NDNF: variants seen among roughly 807,000 people sequenced by gnomAD.
The protein encoded by NDNF is protein NDNF.
NDNF carries 16 observed loss-of-function variants against 42.0 expected under a neutral mutation model. The ratio of observed to expected loss-of-function variants is 0.38; its 90% CI spans 0.26 to 0.58. The LOEUF (loss-of-function observed/expected upper bound fraction) is 0.58. Ranked by LOEUF, NDNF falls within the 20% of genes least tolerant of loss-of-function variation. The pLI, the probability that NDNF is intolerant of heterozygous loss-of-function variation, is 0.67. For synonymous variants in NDNF, 248 were observed against 251.7 expected, an observed-to-expected ratio of 0.99 and a Z score of 0.14; for missense variants, 616 against 666.2, an observed-to-expected ratio of 0.92 and a Z score of 0.83.
At position 121,037,070 on chromosome 4, in the gene NDNF, C is replaced by T. The variant is rs754730831; in HGVS notation, c.901G>A (p.Val301Ile). 95 of 1,613,840 alleles carry T rather than the reference C, an allele frequency of 5.9e-5. 1 individual carries two copies. In the South Asian group the frequency reaches 6.4e-4, roughly 11 times the overall value. ...TGCGTGTCGGGTTTCAGATCAGAGA[C>T]GGTGAAGATGTTCTTGTTTCCTATG... is the stretch of plus-strand genomic sequence containing the variant. ...ICIGNKNIFT[V>I]SDLKPDTQYY... Residue 301 changes from valine (V) to isoleucine (I), a missense_variant, in exon 4 of 4, where the codon GTC becomes ATC. Physicochemically the swap from Val to Ile is conservative, Grantham distance 29 (BLOSUM62 3). Transcript: ENST00000379692.
chr4:121,072,406 T>A lies in NDNF; in HGVS notation c.-415A>T, dbSNP rs1196496399. The stretch of plus-strand genomic sequence containing the variant: ...TGGCGCGGGCTTCGCCGGCCGCCGC[T>A]AGTCGCACAGGCGCCTGGCTGGAGC... On this transcript the variant is annotated 5_prime_UTR_variant, in exon 1 of 4. Transcript: ENST00000379692. 1 of 150,554 alleles carries A rather than the reference T, an allele frequency of 6.6e-6. No homozygotes were observed. The highest frequency in any genetic ancestry group is 2.4e-5 in the African/African-American group (1 of 40,842). 9.3% of individuals were successfully genotyped at this position (150,554 alleles called of 1,614,324 possible).
chr4:121,046,057 T>C (rs757332749), intron 1 of NDNF, among the ~76,000 whole-genome samples: 5 of 152,190 alleles, frequency 3.3e-5, no homozygotes, highest in Non-Finnish European at 7.4e-5. Context: ...ATTTCAGACA[T>C]TAAAAAGATT....
rs1315385654 is a variant in NDNF at position 121,039,190 on chromosome 4, GTGTATATATATATA to G, written c.313+726_313+739del. Reference sequence around the variant, plus strand: ...ATATATAAAGACTATGTGTGTGTGTGTGTATATATATATATATATATATATATATATATATATAT... The same window carrying G: ...ATATATAAAGACTATGTGTGTGTGTGTATATATATATATATATATATATAT... On this transcript the variant is annotated intron_variant, in intron 3 of 3. Transcript: ENST00000379692. Among the ~76,000 whole-genome samples, 458 of 67,988 alleles carry G rather than the reference GTGTATATATATATA, an allele frequency of 6.7e-3. 16 individuals carry two copies. The highest frequency in any genetic ancestry group is 0.033 in the African/African-American group (423 of 12,826). The allele number at this position is 67,988 out of a possible 152,430, so 44.6% of individuals were successfully genotyped here. A position where few individuals can be genotyped will look rare whatever the true frequency, so the allele number is the denominator to read the frequency against.
chr4:121,061,747 A>G (rs1198958934), intron 1 of NDNF, among the ~76,000 whole-genome samples: 1 of 152,092 alleles, frequency 6.6e-6, no homozygotes, highest in Non-Finnish European at 1.5e-5. Flanking sequence ...CATTTATTCA[A>G]GTTTTGAAAC....
At chr4:121,070,587 G>A (rs958032665) in intron 1 of NDNF, among the ~76,000 whole-genome samples, 3 of 152,162 alleles carry the variant, frequency 2.0e-5, no homozygotes, top group South Asian at 2.1e-4. Flanking sequence ...GTGGAGGGGG[G>A]AAAGAGAGGG....
chr4:121,067,821 A>C (rs1727526738), intron 1 of NDNF, among the ~76,000 whole-genome samples: 1 of 152,204 alleles, frequency 6.6e-6, no homozygotes. Flanking sequence ...AAAAGACTAA[A>C]ATTCATGTGT....
At chr4:121,048,401 T>C (rs1727130778) in intron 1 of NDNF, among the ~76,000 whole-genome samples, 2 of 152,320 alleles carry the variant, frequency 1.3e-5, no homozygotes, top group South Asian at 4.1e-4. Flanking sequence ...CAGTATGACT[T>C]AGCAGGACAA....
intron 1 of NDNF, among the ~76,000 whole-genome samples, chr4:121,046,217 T>G (rs1011665211): frequency 1.3e-5 from 2 of 152,156 alleles, no homozygotes; most frequent in Non-Finnish European, 2.9e-5. Context: ...TTAAGGTCAG[T>G]TTTTTGAACT....
chr4:121,039,184 GTGTGTGTGTATATATATATATATATA>G (rs1443300568), intron 3 of NDNF, among the ~76,000 whole-genome samples: 346 of 15,850 alleles, frequency 0.022, 16 homozygotes, highest in Middle Eastern at 0.077. Context: ...GACTATGTGT[GTGTGTGTGTATATATATATATATATA>G]TATATATATA....
At chr4:121,051,582 A>G (rs1203680386) in intron 1 of NDNF, among the ~76,000 whole-genome samples, 1 of 152,166 alleles carries the variant, frequency 6.6e-6, no homozygotes, top group Non-Finnish European at 1.5e-5. Flanking sequence ...AAAGCACAAC[A>G]TACCCTACAA....
rs189427196 is a variant in NDNF, at chr4:121,043,304, T to G, written c.188+2346A>C. On this transcript the variant is annotated intron_variant, in intron 2 of 3. Coordinates refer to ENST00000379692, the MANE Select transcript of NDNF (RefSeq NM_024574.4). ...TTAATGCATTTGCTGTCTTTTTAAATTTACTGCTGTGCAACTTTATCTGGA... is the reference window on the plus strand; with the variant it reads ...TTAATGCATTTGCTGTCTTTTTAAAGTTACTGCTGTGCAACTTTATCTGGA... 3.3e-3 allele frequency among the ~76,000 whole-genome samples: 510 copies of G among 152,338 alleles called. 2 individuals are homozygous for G. Among genetic ancestry groups the G allele is most frequent in the African/African-American group, 0.012 (496 of 41,594 alleles).
intron 1 of NDNF, among the ~76,000 whole-genome samples, chr4:121,059,859 A>G (rs1445901452): frequency 2.6e-5 from 4 of 152,172 alleles, no homozygotes; most frequent in Non-Finnish European, 5.9e-5. Flanking sequence ...TGATGCTGAC[A>G]GTTCATGGAC....
At chr4:121,056,177 C>A (rs1309306367) in intron 1 of NDNF, among the ~76,000 whole-genome samples, 1 of 152,146 alleles carries the variant, frequency 6.6e-6, no homozygotes, top group East Asian at 1.9e-4. Context: ...GAAAGAAGCA[C>A]CATCCCTGGA....
At chr4:121,050,054 A>G (rs1346349706) in intron 1 of NDNF, among the ~76,000 whole-genome samples, 1 of 152,198 alleles carries the variant, frequency 6.6e-6, no homozygotes, top group Non-Finnish European at 1.5e-5. Flanking sequence ...ATTTACAAGG[A>G]GCATTGAATA....
At chr4:121,063,714 G>A (rs1727453799) in intron 1 of NDNF, among the ~76,000 whole-genome samples, 1 of 152,056 alleles carries the variant, frequency 6.6e-6, no homozygotes, top group Non-Finnish European at 1.5e-5. Flanking sequence ...GGCCATGGGA[G>A]GTTTACATCA....
intron 1 of NDNF, chr4:121,071,574 G>T (rs928605983): frequency 6.6e-6 from 1 of 152,172 alleles, no homozygotes; most frequent in Non-Finnish European, 1.5e-5. Context: ...CTTGGCAGGC[G>T]GGCAAAGTAA....
At chr4:121,047,372 T>A (rs1278413632) in intron 1 of NDNF, among the ~76,000 whole-genome samples, 1 of 152,216 alleles carries the variant, frequency 6.6e-6, no homozygotes, top group Non-Finnish European at 1.5e-5. Context: ...TGTTCTAAGT[T>A]CACGAGTTGC....
chr4:121,057,526 A>G (rs761117748), intron 1 of NDNF, among the ~76,000 whole-genome samples: 2 of 152,156 alleles, frequency 1.3e-5, no homozygotes, highest in Non-Finnish European at 2.9e-5. Flanking sequence ...CAGGTGAGGA[A>G]TAACTGGCCA....
At chr4:121,061,839 G>T (rs1385397740) in intron 1 of NDNF, among the ~76,000 whole-genome samples, 1 of 152,120 alleles carries the variant, frequency 6.6e-6, no homozygotes, top group African/African-American at 2.4e-5. Context: ...AGTTGAAAAG[G>T]TCCTGATTAA....
Sources: gnomAD v4.1 joint callset for allele counts (sites outside exome capture counted in the v4.1 genomes callset) on GRCh38, gnomAD v4.1.1 for gene constraint, MANE v1.5 for transcripts, NCBI Gene and HGNC (gene_info 2026-07-23, HGNC 2026-07-21) for gene names.